Variants in NRXN3 observed in about 807,000 individuals in gnomAD.
NRXN3 encodes neurexin 3, also known as neurexin III.
NRXN3 carries 32 observed loss-of-function variants against 137.6 expected under a neutral mutation model. The ratio of observed to expected loss-of-function variants is 0.23; its 90% CI spans 0.18 to 0.31. NRXN3 has a LOEUF of 0.31. NRXN3 is among the 10% of genes least tolerant of loss of function. NRXN3 has a pLI of 1.00. For missense variants in NRXN3, 1,574 were observed against 2,062.5 expected (o/e 0.76, Z 4.59); for synonymous variants, 798 against 784.5 (o/e 1.02, Z -0.29).
chr14:78,635,300 A>G (rs915331242), intron 4 of NRXN3, among the ~76,000 whole-genome samples: 3 of 152,192 alleles, frequency 2.0e-5, no homozygotes, highest in Non-Finnish European at 2.9e-5. Context: ...CATATGGTAA[A>G]AAATTCATAC....
chr14:78,995,145 G>A (rs979475678), intron 15 of NRXN3, among the ~76,000 whole-genome samples: 2 of 152,124 alleles, frequency 1.3e-5, no homozygotes, highest in Non-Finnish European at 2.9e-5. Context: ...CAATCAAACT[G>A]CATAAAAACA....
chr14:79,637,706 CT>C (rs2098411492), intron 16 of NRXN3, among the ~76,000 whole-genome samples: 1 of 138,706 alleles, frequency 7.2e-6, no homozygotes, highest in Non-Finnish European at 1.6e-5. Context: ...CTCTAAGAAA[CT>C]GATGTAAGAT....
intron 8 of NRXN3, among the ~76,000 whole-genome samples, chr14:78,757,609 C>T (rs2098674985): frequency 6.6e-6 from 1 of 152,040 alleles, no homozygotes; most frequent in Admixed American, 6.6e-5. Flanking sequence ...CTGCATTTCC[C>T]AAAGGAGGAT....
intron 15 of NRXN3, among the ~76,000 whole-genome samples, chr14:79,019,538 G>A (rs892981577): frequency 6.6e-6 from 1 of 152,100 alleles, no homozygotes; most frequent in African/African-American, 2.4e-5. Context: ...CTGGGAGAAA[G>A]GTGCACTTGA....
At chr14:78,320,423 G>C (rs2079189532) in intron 4 of NRXN3, among the ~76,000 whole-genome samples, 1 of 152,164 alleles carries the variant, frequency 6.6e-6, no homozygotes, top group East Asian at 1.9e-4. Flanking sequence ...TCTGGGTCGG[G>C]CTTGAGGTCG....
chr14:79,785,838 G>A (rs1203493367), intron 19 of NRXN3, among the ~76,000 whole-genome samples: 6 of 151,908 alleles, frequency 3.9e-5, no homozygotes, highest in African/African-American at 9.7e-5. Flanking sequence ...TTTATTCCCC[G>A]ACAAATTGAC....
chr14:78,653,708 A>AACACACACACACACACACACAC (rs776497422), intron 6 of NRXN3, among the ~76,000 whole-genome samples: 1 of 75,028 alleles, frequency 1.3e-5, no homozygotes, highest in East Asian at 4.3e-4. Flanking sequence ...AAGAAAATAA[A>AACACACACACACACACACACAC]ATACACACAC....
intron 15 of NRXN3, among the ~76,000 whole-genome samples, chr14:79,004,095 G>A (rs1025983451): frequency 3.3e-5 from 5 of 152,142 alleles, no homozygotes; most frequent in African/African-American, 1.2e-4. Flanking sequence ...CACATCTTAA[G>A]AATTTAGTTA....
chr14:78,765,681 G>C (rs1316634682), intron 8 of NRXN3, among the ~76,000 whole-genome samples: 5 of 151,974 alleles, frequency 3.3e-5, no homozygotes, highest in Non-Finnish European at 4.4e-5. Flanking sequence ...GAGTTTACTG[G>C]TTAAAGCATT....
intron 5 of NRXN3, among the ~76,000 whole-genome samples, chr14:78,646,474 T>A (rs2097688990): frequency 6.6e-6 from 1 of 152,222 alleles, no homozygotes; most frequent in Non-Finnish European, 1.5e-5. Flanking sequence ...TTACCAAATT[T>A]TCTTCTGCCA....
intron 20 of NRXN3, among the ~76,000 whole-genome samples, chr14:79,825,398 CAGA>C (rs572763701): frequency 7.6e-4 from 115 of 152,200 alleles, no homozygotes; most frequent in African/African-American, 2.7e-3. Flanking sequence ...AAGAAAATTT[CAGA>C]AGTAGTGAAG....
At chr14:79,135,914 A>G (rs2058177659) in intron 15 of NRXN3, among the ~76,000 whole-genome samples, 1 of 152,212 alleles carries the variant, frequency 6.6e-6, no homozygotes, top group Non-Finnish European at 1.5e-5. Context: ...GTTTAAAACC[A>G]GTGCTATTTC....
chr14:79,352,010 G>T (rs551627773), intron 15 of NRXN3, among the ~76,000 whole-genome samples: 2 of 152,172 alleles, frequency 1.3e-5, no homozygotes, highest in Non-Finnish European at 2.9e-5. Flanking sequence ...TTACATTTCT[G>T]AGTTAGAAGT....
chr14:79,069,030 AATG>A (rs1191797897), intron 15 of NRXN3, among the ~76,000 whole-genome samples: 1 of 152,100 alleles, frequency 6.6e-6, no homozygotes, highest in Non-Finnish European at 1.5e-5. Flanking sequence ...CATCATTTGA[AATG>A]ATATGGTTCC....
chr14:79,441,761 T>A (rs2095963665), intron 15 of NRXN3, among the ~76,000 whole-genome samples: 1 of 151,866 alleles, frequency 6.6e-6, no homozygotes, highest in African/African-American at 2.4e-5. Context: ...ATATTCTTTC[T>A]TCACACACAC....
intron 14 of NRXN3, among the ~76,000 whole-genome samples, chr14:78,984,373 T>G (rs774026998): frequency 1.1e-4 from 16 of 152,304 alleles, no homozygotes; most frequent in Middle Eastern, 3.4e-3. Context: ...AGAAATTAAT[T>G]TAATTACAGT....
chr14:78,673,862 G>A (rs972886354), intron 6 of NRXN3, among the ~76,000 whole-genome samples: 2 of 152,156 alleles, frequency 1.3e-5, no homozygotes, highest in African/African-American at 4.8e-5. Flanking sequence ...TTCAGTCCAT[G>A]GCACCTTCCG....
intron 15 of NRXN3, among the ~76,000 whole-genome samples, chr14:79,103,213 A>G (rs2051690261): frequency 6.6e-6 from 1 of 152,136 alleles, no homozygotes; most frequent in Non-Finnish European, 1.5e-5. Flanking sequence ...TGGACTTTAG[A>G]GGTTATATGC....
At chr14:79,454,005 C>G (rs776926697) in intron 15 of NRXN3, among the ~76,000 whole-genome samples, 4 of 152,152 alleles carry the variant, frequency 2.6e-5, no homozygotes, top group Non-Finnish European at 4.4e-5. Context: ...TTTTCTCAAA[C>G]TGTGCATTTT....
Sources: gnomAD v4.1 joint callset for allele counts (sites outside exome capture counted in the v4.1 genomes callset) on GRCh38, gnomAD v4.1.1 for gene constraint, MANE v1.5 for transcripts, NCBI Gene and HGNC (gene_info 2026-07-23, HGNC 2026-07-21) for gene names.